The following CPA3 variants were observed in gnomAD, a reference collection of about 807,000 sequenced individuals.
CPA3 encodes mast cell carboxypeptidase A.
In CPA3, 52 loss-of-function variants were observed where a neutral mutation model predicts 55.8. The ratio of observed to expected loss-of-function variants is 0.93; its 90% confidence interval spans 0.75 to 1.17. The LOEUF is 1.17. CPA3 is among the 50% of genes most tolerant of loss of function. The pLI is 0.00. For synonymous variants in CPA3, 179 were observed against 171.2 expected, an observed-to-expected ratio of 1.05 and a Z score of -0.36; for missense variants, 547 against 509.1, an observed-to-expected ratio of 1.07 and a Z score of -0.72.
At chr3:148,877,765 T>C (rs1714246451) in intron 3 of CPA3, among the ~76,000 whole-genome samples, 1 of 152,222 alleles carries the variant, frequency 6.6e-6, no homozygotes, top group South Asian at 2.1e-4. Flanking sequence ...GAGCGATGCC[T>C]GGCACAAGGT....
intron 3 of CPA3, among the ~76,000 whole-genome samples, chr3:148,873,958 C>T (rs1714140835): frequency 6.6e-6 from 1 of 152,150 alleles, no homozygotes; most frequent in South Asian, 2.1e-4. Flanking sequence ...TTTTCTTAAA[C>T]AAATTAAGCA....
chr3:148,881,357 C>T, intron 6 of CPA3, 165 bp from the exon 7 acceptor site: 1 of 486,196 alleles, frequency 2.1e-6, no homozygotes, highest in Non-Finnish European at 3.6e-6. Context: ...GGTTTTTTTC[C>T]CCTTTAAACT....
At chr3:148,866,667 T>C (rs1713909196) in intron 2 of CPA3, among the ~76,000 whole-genome samples, 1 of 152,222 alleles carries the variant, frequency 6.6e-6, no homozygotes, top group Admixed American at 6.5e-5. Flanking sequence ...ATAATAGTCA[T>C]AGCTACTTCC....
rs748515344 is a variant in CPA3 at position 148,868,954 on chromosome 3, G to A, written c.184G>A (p.Ala62Thr). Residue 62 changes from alanine (A) to threonine (T), a missense_variant, in exon 3 of 11, where the codon GCT (alanine) becomes ACT (threonine). By Grantham distance (58) the Ala-to-Thr change is moderately conservative. Transcript: ENST00000296046. ...TCCAGGTGCCACCCACCACGTAGCT[G>A]CTAATATGATGGTGGATTTCCGAGT... ...WYPGATHHVA[A>T]NMMVDFRVSE... is the part of the protein sequence containing the mutation. The A allele has an allele frequency of 1.2e-6, 2 of 1,614,020 alleles. No homozygotes were observed. Among genetic ancestry groups the A allele is most frequent in the East Asian group, 2.2e-5 (1 of 44,870 alleles).
At chr3:148,887,216 C>T (rs1172108310) in intron 10 of CPA3, among the ~76,000 whole-genome samples, 4 of 152,206 alleles carry the variant, frequency 2.6e-5, no homozygotes, top group South Asian at 4.1e-4. Context: ...AGCTCAAAAA[C>T]GGCCATAGAC....
chr3:148,875,384 A>C (rs1714177198), intron 3 of CPA3, among the ~76,000 whole-genome samples: 1 of 152,184 alleles, frequency 6.6e-6, no homozygotes, highest in African/African-American at 2.4e-5. Flanking sequence ...TAATATTTTT[A>C]TTGAAACATT....
In CPA3 at chr3:148,878,748, G is replaced by A; in HGVS notation, c.474G>A (p.Lys158=). 12 of 1,542,312 alleles carry A rather than the reference G, an allele frequency of 7.8e-6. No individual in the cohort carries two copies. Among genetic ancestry groups the A allele is most frequent in the Non-Finnish European group, 1.1e-5 (12 of 1,127,898 alleles). ...AAGATAATCCACTATATGTTCTGAA[G>A]GTAAAAATAACTCAAGAACCACTAA... ...TVEDNPLYVL[K]IGEKNERRKA... Residue 158 remains lysine, a splice_region_variant and synonymous_variant, in exon 5 of 11, where the codon AAG becomes AAA. Coordinates refer to ENST00000296046, the MANE Select transcript of CPA3 (RefSeq NM_001870.4).
rs144437234 is a variant in CPA3 at position 148,883,699 on chromosome 3, T to G, written c.865T>G (p.Phe289Val). The stretch of plus-strand genomic sequence containing the variant: ...GAAAGAGACGAAAGCTGTCACTAAT[T>G]TCATTAGAAGCCACCTGAATGAAAT... ...SEKETKAVTN[F>V]IRSHLNEIKV... The change falls in exon 9 of 11, where the codon TTC (phenylalanine) becomes GTC (valine). Residue 289 changes from phenylalanine to valine, a missense_variant. Transcript: ENST00000296046. 62 of 1,614,120 alleles carry G rather than the reference T, an allele frequency of 3.8e-5. No homozygotes were observed. The African/African-American group carries it at 4.8e-4, about 12-fold the overall frequency.
chr3:148,875,560 C>CA (rs1714180123), intron 3 of CPA3, among the ~76,000 whole-genome samples: 1 of 151,072 alleles, frequency 6.6e-6, no homozygotes. Flanking sequence ...TAACTTTTCT[C>CA]TTTTTTTTTC....
chr3:148,881,722 C>G, intron 7 of CPA3, 90 bp downstream of exon 7: 1 of 568,460 alleles, frequency 1.8e-6, no homozygotes, highest in Non-Finnish European at 2.8e-6. Context: ...GTTTAGGTAA[C>G]TAGTTAATTC....
intron 2 of CPA3, among the ~76,000 whole-genome samples, chr3:148,865,960 T>C (rs1713890503): frequency 6.6e-6 from 1 of 152,224 alleles, no homozygotes; most frequent in South Asian, 2.1e-4. Flanking sequence ...AATATCAAGA[T>C]GTGACCCTTT....
rs761546435 is a variant in CPA3 at position 148,883,852 on chromosome 3, A to AT, written c.981+38dup. 1.4e-4 allele frequency: 196 copies of AT among 1,439,700 alleles called. 1 individual carries two copies. The Middle Eastern group carries it at 1.6e-3, about 12-fold the overall frequency. 89.2% of individuals were successfully genotyped at this position (1,439,700 alleles called of 1,614,324 possible). A position where few individuals can be genotyped will look rare whatever the true frequency, so the allele number is the denominator to read the frequency against. The stretch of plus-strand genomic sequence containing the variant: ...AAAGTTTGCACTTCATGCATCGACA[A>AT]TACCATTGACTTTCAGTCTGTTCTT... On this transcript the variant is annotated intron_variant, in intron 9 of 10. Transcript: ENST00000296046.
chr3:148,896,901 C>T lies in CPA3; in HGVS notation c.*194C>T, dbSNP rs1468440790. 2 of 417,632 alleles carry T rather than the reference C, an allele frequency of 4.8e-6. No individual in the cohort carries two copies. The highest frequency in any genetic ancestry group is 8.4e-6 in the Non-Finnish European group (2 of 238,920). 25.9% of individuals were successfully genotyped at this position (417,632 alleles called of 1,614,324 possible). ...CATAACGAAGTAGCTTTAAGTGAAACCTTTTAACTACCTTTCTTTGCTCCA... is the reference window on the plus strand; with the variant it reads ...CATAACGAAGTAGCTTTAAGTGAAATCTTTTAACTACCTTTCTTTGCTCCA... On this transcript the variant is annotated 3_prime_UTR_variant, in exon 11 of 11. Coordinates refer to ENST00000296046, the MANE Select transcript of CPA3 (RefSeq NM_001870.4).
At chr3:148,883,875 C>A in intron 9 of CPA3, 60 bp downstream of exon 9, 3 of 1,202,804 alleles carry the variant, frequency 2.5e-6, no homozygotes, top group Non-Finnish European at 2.5e-6. Context: ...TCAGTCTGTT[C>A]TTCATTAACT....
intron 10 of CPA3, among the ~76,000 whole-genome samples, chr3:148,894,877 G>C (rs868261846): frequency 6.6e-6 from 1 of 151,990 alleles, no homozygotes; most frequent in African/African-American, 2.4e-5. Context: ...GATGTTAAAC[G>C]TATCACTTTG....
At chr3:148,889,679 G>A (rs1714617902) in intron 10 of CPA3, among the ~76,000 whole-genome samples, 1 of 151,882 alleles carries the variant, frequency 6.6e-6, no homozygotes, top group Non-Finnish European at 1.5e-5. Context: ...AGACCAGTCT[G>A]GCCAACATGG....
intron 10 of CPA3, among the ~76,000 whole-genome samples, chr3:148,891,244 CT>C (rs1479051608): frequency 6.6e-6 from 1 of 152,106 alleles, no homozygotes; most frequent in Non-Finnish European, 1.5e-5. Flanking sequence ...GTGATTATTA[CT>C]GTATTTTATA....
At chr3:148,879,758 A>C (rs778547524) in intron 5 of CPA3, 30 bp from the exon 6 acceptor site, 1 of 1,482,544 alleles carries the variant, frequency 6.7e-7, no homozygotes, top group Admixed American at 1.7e-5. Context: ...AGTTTGTTCA[A>C]AACAATATCT....
intron 3 of CPA3, among the ~76,000 whole-genome samples, chr3:148,878,204 G>A (rs995918558): frequency 5.3e-5 from 8 of 152,136 alleles, no homozygotes; most frequent in Non-Finnish European, 8.8e-5. Context: ...CACATGTCCT[G>A]TATGCACTTG....
Sources: gnomAD v4.1 joint callset for allele counts (sites outside exome capture counted in the v4.1 genomes callset) on GRCh38, gnomAD v4.1.1 for gene constraint, MANE v1.5 for transcripts, NCBI Gene and HGNC (gene_info 2026-07-23, HGNC 2026-07-21) for gene names.